SPRYD7: variants seen among roughly 807,000 people sequenced by gnomAD.
The protein encoded by SPRYD7 is SPRY domain-containing protein 7.
Under a neutral mutation model 23.8 loss-of-function variants are expected in SPRYD7, and 14 were observed. The ratio of observed to expected loss-of-function variants is 0.59; its 90% CI spans 0.39 to 0.92. The LOEUF (loss-of-function observed/expected upper bound fraction) is 0.92. Ranked by LOEUF, SPRYD7 falls within the 40% of genes least tolerant of loss-of-function variation. The probability of loss-of-function intolerance (pLI) is 0.00; values close to 1 mark genes in which losing one functional copy is unlikely to be tolerated. For synonymous variants in SPRYD7, 75 were observed against 84.9 expected (o/e 0.88, Z 0.64); for missense variants, 194 against 241.7 (o/e 0.80, Z 1.31).
chr13:49,930,164 C>G (rs574006252), intron 2 of SPRYD7, among the ~76,000 whole-genome samples: 5 of 152,220 alleles, frequency 3.3e-5, no homozygotes, highest in African/African-American at 1.2e-4. Context: ...CTATTATAAT[C>G]ACATAGAATT....
intron 4 of SPRYD7, among the ~76,000 whole-genome samples, chr13:49,919,154 T>C (rs1237814658): frequency 6.6e-6 from 1 of 152,024 alleles, no homozygotes; most frequent in African/African-American, 2.4e-5. Context: ...CGGTGGCTCA[T>C]GCCTATAATC....
At chr13:49,929,208 G>T (rs1170294482) in intron 2 of SPRYD7, among the ~76,000 whole-genome samples, 1 of 152,148 alleles carries the variant, frequency 6.6e-6, no homozygotes, top group African/African-American at 2.4e-5. Flanking sequence ...TACTGGGAAG[G>T]CTGCGGCAGG....
chr13:49,930,680 T>C (rs1955937938), intron 2 of SPRYD7, among the ~76,000 whole-genome samples: 1 of 152,224 alleles, frequency 6.6e-6, no homozygotes. Flanking sequence ...TGACCTTATA[T>C]GCTTGACCAA....
chr13:49,922,097 T>C (rs1228183527), intron 3 of SPRYD7, among the ~76,000 whole-genome samples: 1 of 151,980 alleles, frequency 6.6e-6, no homozygotes, highest in Non-Finnish European at 1.5e-5. Flanking sequence ...TGGTTTCAAA[T>C]GTGTCAAGTG....
chr13:49,928,085 C>G lies in SPRYD7; in HGVS notation c.224G>C (p.Gly75Ala). The G allele has an allele frequency of 6.2e-7, 1 of 1,612,928 alleles. No individual in the cohort carries two copies. Among genetic ancestry groups the G allele is most frequent in the Non-Finnish European group, 8.5e-7 (1 of 1,179,536 alleles). Residue 75 changes from glycine (G) to alanine (A), a missense_variant and splice_region_variant, in exon 3 of 5, where the codon GGA (glycine) becomes GCA (alanine). Gly to Ala is a moderately conservative substitution (Grantham distance 60). Coordinates refer to ENST00000361840, the MANE Select transcript of SPRYD7 (RefSeq NM_020456.4). ...SYFEFKIQST[G>A]IWGIGVATQK... ...AGTTGCAACACCAATACCCCAGATT[C>G]CTAAAAATATAACAGTTTAAATGCC...
At chr13:49,927,141 A>G (rs1955891049) in intron 3 of SPRYD7, among the ~76,000 whole-genome samples, 1 of 152,228 alleles carries the variant, frequency 6.6e-6, no homozygotes, top group Non-Finnish European at 1.5e-5. Flanking sequence ...AGTTTAATGA[A>G]GATGAACATT....
At chr13:49,918,667 C>A (rs60574696) in intron 4 of SPRYD7, among the ~76,000 whole-genome samples, 2,523 of 151,586 alleles carry the variant, frequency 0.017, 56 homozygotes, top group African/African-American at 0.058. Flanking sequence ...CATGAGCCAC[C>A]GTGCCTGGCC....
chr13:49,930,948 A>G (rs1226836454), intron 2 of SPRYD7, 70 bp downstream of exon 2: 2 of 931,746 alleles, frequency 2.1e-6, no homozygotes, highest in African/African-American at 1.7e-5. Flanking sequence ...AATCTTTTTT[A>G]TGTGTTACAA....
intron 1 of SPRYD7, among the ~76,000 whole-genome samples, chr13:49,931,964 C>T (rs549925992): frequency 6.6e-6 from 1 of 152,296 alleles, no homozygotes; most frequent in African/African-American, 2.4e-5. Context: ...TTCAAGTAAA[C>T]TGCAATAACT....
At chr13:49,920,235 A>G (rs1955802828) in intron 4 of SPRYD7, among the ~76,000 whole-genome samples, 1 of 151,474 alleles carries the variant, frequency 6.6e-6, no homozygotes, top group Admixed American at 6.6e-5. Context: ...TGGGGGACAC[A>G]GCAAGACTCT....
At chr13:49,921,207 T>C (rs930082521) in intron 4 of SPRYD7, among the ~76,000 whole-genome samples, 10 of 152,276 alleles carry the variant, frequency 6.6e-5, no homozygotes, top group African/African-American at 2.4e-4. Flanking sequence ...TCACAAGATC[T>C]GATGGTTTCA....
chr13:49,924,173 G>A (rs982935221), intron 3 of SPRYD7, among the ~76,000 whole-genome samples: 8 of 151,924 alleles, frequency 5.3e-5, no homozygotes, highest in African/African-American at 1.7e-4. Context: ...TTTTAGTAGA[G>A]ACGGGGTTTC....
chr13:49,934,555 C>CAAAAAAAAAAAAA (rs889803067), intron 1 of SPRYD7, among the ~76,000 whole-genome samples: 2 of 54,402 alleles, frequency 3.7e-5, no homozygotes, highest in African/African-American at 6.4e-5. Flanking sequence ...AACTCCGTCT[C>CAAAAAAAAAAAAA]AAAAAAAAAA....
At chr13:49,917,032 C>A (rs1018065740) in intron 4 of SPRYD7, among the ~76,000 whole-genome samples, 1 of 152,108 alleles carries the variant, frequency 6.6e-6, no homozygotes, top group Non-Finnish European at 1.5e-5. Flanking sequence ...TAGACATGCA[C>A]AAAGAATTGC....
intron 3 of SPRYD7, among the ~76,000 whole-genome samples, chr13:49,924,902 G>C (rs1955861766): frequency 6.6e-6 from 1 of 151,146 alleles, no homozygotes; most frequent in East Asian, 2.0e-4. Context: ...CTTGAACCCG[G>C]GAGGTGAAGG....
rs1351931789 is a variant in SPRYD7 at position 49,936,289 on chromosome 13, CCCG to C, written c.-57_-55del. On this transcript the variant is annotated 5_prime_UTR_variant, in exon 1 of 5. Coordinates refer to ENST00000361840, the MANE Select transcript of SPRYD7 (RefSeq NM_020456.4). Reference sequence around the variant, plus strand: ...TCCCTAGACCGAGGCGACACTGCCCCCCGCCGCTCAGCTCCGTCTCCTGCCCCC... The same window carrying C: ...TCCCTAGACCGAGGCGACACTGCCCCCCGCTCAGCTCCGTCTCCTGCCCCC... 3 of 1,346,058 alleles carry C rather than the reference CCCG, an allele frequency of 2.2e-6. No homozygotes were observed. The highest frequency in any genetic ancestry group is 3.1e-6 in the Non-Finnish European group (3 of 977,944). 83.4% of individuals were successfully genotyped at this position (1,346,058 alleles called of 1,614,324 possible).
intron 4 of SPRYD7, among the ~76,000 whole-genome samples, chr13:49,918,543 G>A (rs1168131586): frequency 2.0e-5 from 3 of 150,120 alleles, no homozygotes; most frequent in East Asian, 2.0e-4. Context: ...GAGTAGTTGC[G>A]ATTACAGGTG....
At chr13:49,921,300 T>A (rs1305903423) in intron 4 of SPRYD7, among the ~76,000 whole-genome samples, 178 bp downstream of exon 4, 1 of 152,210 alleles carries the variant, frequency 6.6e-6, no homozygotes, top group Non-Finnish European at 1.5e-5. Context: ...CCTTCCGCCA[T>A]GATTGTAAGT....
intron 3 of SPRYD7, among the ~76,000 whole-genome samples, chr13:49,926,455 G>A (rs1279540753): frequency 6.6e-5 from 10 of 152,014 alleles, no homozygotes; most frequent in African/African-American, 2.4e-4. Context: ...CCATATTATG[G>A]GCATCTGGCA....
Sources: gnomAD v4.1 joint callset for allele counts (sites outside exome capture counted in the v4.1 genomes callset) on GRCh38, gnomAD v4.1.1 for gene constraint, MANE v1.5 for transcripts, NCBI Gene and HGNC (gene_info 2026-07-23, HGNC 2026-07-21) for gene names.